Variants in STS observed in about 807,000 individuals in gnomAD.
The protein encoded by STS is steryl-sulfatase.
STS carries 7 observed loss-of-function variants against 26.8 expected under a neutral mutation model. The observed-to-expected ratio is 0.26, with a 90% CI of 0.15 to 0.49. The LOEUF is 0.49. STS is among the 20% of genes least tolerant of loss of function. The probability of loss-of-function intolerance (pLI) is 0.98; values close to 1 mark genes in which losing one functional copy is unlikely to be tolerated. For missense variants in STS, 434 were observed against 465.6 expected (o/e 0.93, Z 0.63); for synonymous variants, 199 against 189.4 (o/e 1.05, Z -0.42).
chrX:7,315,511 C>T (rs1228292502), intron 8 of STS, among the ~76,000 whole-genome samples: 1 of 111,206 alleles, frequency 9.0e-6, no homozygotes, highest in Non-Finnish European at 1.9e-5. Flanking sequence ...TTGACTCACA[C>T]AATCACAAGG....
intron 2 of STS, among the ~76,000 whole-genome samples, chrX:7,215,031 G>GTA (rs757978588): frequency 1.4e-3 from 82 of 59,217 alleles, no homozygotes; most frequent in Middle Eastern, 9.3e-3. Flanking sequence ...TATTATATAT[G>GTA]TATATATATA....
At chrX:7,342,544 C>G (rs1437754698) in intron 10 of STS, among the ~76,000 whole-genome samples, 1 of 112,501 alleles carries the variant, frequency 8.9e-6, no homozygotes, top group Non-Finnish European at 1.9e-5. Context: ...AATTGGCTGG[C>G]TGTGAAACAG....
intron 1 of STS, among the ~76,000 whole-genome samples, chrX:7,176,753 A>C (rs1206946297): frequency 9.0e-6 from 1 of 111,211 alleles, no homozygotes; most frequent in Non-Finnish European, 1.9e-5. Flanking sequence ...TAACACAAGA[A>C]TAGCATGGGG....
intron 2 of STS, among the ~76,000 whole-genome samples, chrX:7,211,349 T>C (rs761589895): frequency 3.6e-5 from 4 of 111,517 alleles, no homozygotes; most frequent in Middle Eastern, 4.6e-3. Flanking sequence ...CTCCCGGTGC[T>C]ATTCCAAATT....
At chrX:7,249,936 GTTAA>G (rs1569201105) in intron 2 of STS, among the ~76,000 whole-genome samples, 1 of 110,329 alleles carries the variant, frequency 9.1e-6, no homozygotes, top group African/African-American at 3.3e-5. Flanking sequence ...TATTTAATTG[GTTAA>G]TTAATTAGAG....
intron 10 of STS, among the ~76,000 whole-genome samples, chrX:7,346,933 G>C (rs780635657): frequency 5.4e-5 from 6 of 110,474 alleles, no homozygotes; most frequent in Non-Finnish European, 7.6e-5. Context: ...GCTGGGCCTG[G>C]TGGCATACAC....
chrX:7,349,315 CCTTTTT>C (rs1269686683), intron 10 of STS, among the ~76,000 whole-genome samples: 1,231 of 20,250 alleles, frequency 0.061, 385 homozygotes, highest in South Asian at 0.15. Context: ...TCATTTAATT[CCTTTTT>C]TTTTTTTTTT....
chrX:7,254,424 T>A (rs1312978898), intron 3 of STS, among the ~76,000 whole-genome samples: 1 of 110,893 alleles, frequency 9.0e-6, no homozygotes, highest in Non-Finnish European at 1.9e-5. Flanking sequence ...AAATTTCACT[T>A]TCTCTTCCTA....
chrX:7,353,130 A>G lies in STS; in HGVS notation c.*2869A>G, dbSNP rs1360532484. On this transcript the variant is annotated 3_prime_UTR_variant, in exon 11 of 11. Transcript: ENST00000674429. ...TTCAACAATGTGGGGAATGTTTACTACATTTCCAACTTGATGTCAAGCAAT... is the reference window on the plus strand; with the variant it reads ...TTCAACAATGTGGGGAATGTTTACTGCATTTCCAACTTGATGTCAAGCAAT... The G allele has an allele frequency of 1.8e-5, 2 of 111,865 alleles. No individual in the cohort carries two copies. Among genetic ancestry groups the G allele is most frequent in the Non-Finnish European group, 3.8e-5 (2 of 53,274 alleles). The allele number at this position is 111,865 out of a possible 1,213,427, so 9.2% of individuals were successfully genotyped here. A position where few individuals can be genotyped will look rare whatever the true frequency, so the allele number is the denominator to read the frequency against.
At chrX:7,338,412 T>C (rs775266306) in intron 10 of STS, among the ~76,000 whole-genome samples, 1 of 112,423 alleles carries the variant, frequency 8.9e-6, no homozygotes, top group South Asian at 3.7e-4. Flanking sequence ...CAATGCAATA[T>C]AGTACATAGT....
rs1392098527 is a variant in STS, at chrX:7,309,182, AT to A, written c.1081+4000del. On this transcript the variant is annotated intron_variant, in intron 8 of 10. Transcript: ENST00000674429. Reference sequence around the variant, plus strand: ...ACAGAGTGGATAAAGAAAATGTGGTATATATACACCATGGAATACTGTGAAG... The same window carrying A: ...ACAGAGTGGATAAAGAAAATGTGGTAATATACACCATGGAATACTGTGAAG... Among the ~76,000 whole-genome samples the A allele has an allele frequency of 2.7e-5, 3 of 111,660 alleles. No homozygotes were observed. The East Asian group carries it at 8.5e-4, about 32-fold the overall frequency.
At chrX:7,225,308 A>G (rs1383868141) in intron 2 of STS, among the ~76,000 whole-genome samples, 5 of 111,740 alleles carry the variant, frequency 4.5e-5, no homozygotes, top group African/African-American at 1.6e-4. Context: ...GATTCACCAG[A>G]AGGACTAACA....
rs1435924125 is a variant in STS, at chrX:7,352,598, GTTGT to G, written c.*2345_*2348del. The G allele has an allele frequency of 9.0e-6, 1 of 111,691 alleles. No homozygotes were observed. The highest frequency in any genetic ancestry group is 3.3e-5 in the African/African-American group (1 of 30,753). 9.2% of individuals were successfully genotyped at this position (111,691 alleles called of 1,213,427 possible). On this transcript the variant is annotated 3_prime_UTR_variant, in exon 11 of 11. Coordinates refer to ENST00000674429, the MANE Select transcript of STS (RefSeq NM_001320752.2). The stretch of plus-strand genomic sequence containing the variant: ...CAAACCTTCTTTAAGGCATAGTTTT[GTTGT>G]TTGTTTGCTTGTTTGTTGCAGGCTG...
chrX:7,237,611 C>A (rs759228594), intron 2 of STS, among the ~76,000 whole-genome samples: 15 of 112,037 alleles, frequency 1.3e-4, no homozygotes, highest in Middle Eastern at 4.6e-3. Flanking sequence ...AAGGAATGCC[C>A]AGATAACTAG....
chrX:7,323,468 A>G (rs779950404), intron 8 of STS, among the ~76,000 whole-genome samples: 1 of 111,629 alleles, frequency 9.0e-6, no homozygotes, highest in African/African-American at 3.3e-5. Context: ...AAGTAAGAAC[A>G]TGCAGTGTTT....
chrX:7,227,452 T>TG (rs1569195085), intron 2 of STS, among the ~76,000 whole-genome samples: 2 of 110,003 alleles, frequency 1.8e-5, no homozygotes, highest in Admixed American at 9.8e-5. Context: ...ATCGTTGTTT[T>TG]TTTTTTTTTT....
intron 10 of STS, among the ~76,000 whole-genome samples, chrX:7,349,315 CCTTTTTTTT>C (rs1928672923): frequency 4.9e-5 from 1 of 20,285 alleles, no homozygotes; most frequent in Non-Finnish European, 9.1e-5. Flanking sequence ...TCATTTAATT[CCTTTTTTTT>C]TTTTTTTTTT....
intron 7 of STS, among the ~76,000 whole-genome samples, chrX:7,278,890 A>G (rs1229805281): frequency 2.7e-5 from 3 of 111,732 alleles, no homozygotes; most frequent in African/African-American, 9.8e-5. Context: ...AGGCAGATTG[A>G]TTCATAGGAG....
chrX:7,324,815 C>G (rs1395012843), intron 8 of STS, among the ~76,000 whole-genome samples: 3 of 111,726 alleles, frequency 2.7e-5, no homozygotes, highest in African/African-American at 9.8e-5. Flanking sequence ...TTTTGGTTTA[C>G]AACCCTATGA....
Sources: allele counts gnomAD v4.1 joint callset (sites outside exome capture counted in the v4.1 genomes callset), GRCh38; gene constraint gnomAD v4.1.1; transcripts MANE v1.5; gene names NCBI Gene and HGNC (gene_info 2026-07-23, HGNC 2026-07-21).